The following HERC1 variants were observed in gnomAD, a reference collection of about 807,000 sequenced individuals.
The protein encoded by HERC1 is probable E3 ubiquitin-protein ligase HERC1.
HERC1 carries 160 observed loss-of-function variants against 554.3 expected under a neutral mutation model. That is an observed-to-expected ratio of 0.29 (90% CI 0.25 to 0.33). The LOEUF (loss-of-function observed/expected upper bound fraction) is 0.33, where lower values mean the gene tolerates loss of function less well. HERC1 is among the 10% of genes least tolerant of loss of function. HERC1 has a pLI of 1.00. For missense variants in HERC1, 4,919 were observed against 5,918.5 expected, an observed-to-expected ratio of 0.83 and a Z score of 5.54; for synonymous variants, 2,175 against 2,131.7, an observed-to-expected ratio of 1.02 and a Z score of -0.56.
intron 1 of HERC1, among the ~76,000 whole-genome samples, chr15:63,829,279 G>A (rs1423292195): frequency 6.6e-6 from 1 of 151,426 alleles, no homozygotes; most frequent in African/African-American, 2.4e-5. Flanking sequence ...AAAATCAGCG[G>A]GGCATGGTGG....
At chr15:63,706,098 G>T (rs893000196) in intron 25 of HERC1, among the ~76,000 whole-genome samples, 1 of 145,844 alleles carries the variant, frequency 6.9e-6, no homozygotes, top group African/African-American at 2.5e-5. Flanking sequence ...AGAGTTTTTA[G>T]TTATCATTGG....
At position 63,747,040 on chromosome 15, in the gene HERC1, T is replaced by C; in HGVS notation, c.2398A>G (p.Asn800Asp). The C allele has an allele frequency of 6.3e-7, 1 of 1,597,342 alleles. No individual in the cohort carries two copies. Among genetic ancestry groups the C allele is most frequent in the Non-Finnish European group, 8.5e-7 (1 of 1,172,166 alleles). Residue 800 changes from asparagine to aspartate, a missense_variant, in exon 12 of 78, where the codon AAT becomes GAT. Physicochemically the swap from Asn to Asp is conservative, Grantham distance 23. This residue lies in a region of HERC1 where 744 missense variants were observed against 1,090.0 expected (regional missense o/e 0.68). Coordinates refer to ENST00000443617, the MANE Select transcript of HERC1 (RefSeq NM_003922.4). ...CCCGCAAGTGCAAGAGCAAGGTGAT[T>C]TGAAAGTAGCTTCAGGCACAGCTTG... Reference protein sequence around the residue: ...FLKLCLKLLSNHLALALAGGV... With the variant: ...FLKLCLKLLSDHLALALAGGV...
At chr15:63,647,232 C>T (rs577232203) in intron 55 of HERC1, among the ~76,000 whole-genome samples, 10 of 148,660 alleles carry the variant, frequency 6.7e-5, no homozygotes, top group East Asian at 2.0e-4. Context: ...CCAGCCTGGG[C>T]GAAAAAGCTA....
Position 63,640,410 on chromosome 15 carries a change from G to A in HERC1, c.11643C>T (p.Ser3881=), listed in dbSNP as rs749650101. ...HVVCGDQLVH[S]PYMQCLASLA... ...GGGAAGCCAAGCATTGCATATAGGGGCTATGAACAAGTTGGTCACCACAAA... is the reference window on the plus strand; with the variant it reads ...GGGAAGCCAAGCATTGCATATAGGGACTATGAACAAGTTGGTCACCACAAA... The change falls in exon 61 of 78, where the codon AGC becomes AGT. Residue 3881 remains serine (S), a synonymous_variant. Coordinates refer to ENST00000443617, the MANE Select transcript of HERC1 (RefSeq NM_003922.4). 3 of 1,613,598 alleles carry A rather than the reference G, an allele frequency of 1.9e-6. No individual in the cohort carries two copies. The highest frequency in any genetic ancestry group is 1.1e-5 in the South Asian group (1 of 91,064).
intron 34 of HERC1, among the ~76,000 whole-genome samples, chr15:63,681,022 T>C (rs2071448644): frequency 6.6e-6 from 1 of 152,182 alleles, no homozygotes; most frequent in Non-Finnish European, 1.5e-5. Flanking sequence ...AAATAAGCAA[T>C]TCTAACTTAC....
intron 3 of HERC1, among the ~76,000 whole-genome samples, chr15:63,762,129 G>T (rs2075631359): frequency 6.6e-6 from 1 of 152,088 alleles, no homozygotes; most frequent in Admixed American, 6.6e-5. Context: ...AAATGTGTAA[G>T]ATCAGCCAGA....
Position 63,711,175 on chromosome 15 carries a change from A to G in HERC1, c.4584+1600T>C, listed in dbSNP as rs527291305. The stretch of plus-strand genomic sequence containing the variant: ...AGAGCAAGACATAAAAATTTAAAAA[A>G]TTAGCCAGAAATGGTGGCACATGCC... On this transcript the variant is annotated intron_variant, in intron 24 of 77. Coordinates refer to ENST00000443617, the MANE Select transcript of HERC1 (RefSeq NM_003922.4). Among the ~76,000 whole-genome samples the G allele has an allele frequency of 2.5e-3, 384 of 152,282 alleles. 2 individuals carry two copies. Among genetic ancestry groups the G allele is most frequent in the Middle Eastern group, 0.01 (3 of 294 alleles).
At chr15:63,712,677 A>G in intron 24 of HERC1, 98 bp downstream of exon 24, 1 of 1,067,772 alleles carries the variant, frequency 9.4e-7, no homozygotes, top group Non-Finnish European at 1.3e-6. Context: ...AAATTTTTAT[A>G]TGTCTAAAAC....
intron 12 of HERC1, among the ~76,000 whole-genome samples, chr15:63,743,282 A>AAATTTTTTTTTTTT (rs2074902697): frequency 4.9e-5 from 1 of 20,352 alleles, no homozygotes; most frequent in African/African-American, 1.5e-4. Flanking sequence ...TTTTTTTTTT[A>AAATTTTTTTTTTTT]AATGGAGTCT....
intron 2 of HERC1, among the ~76,000 whole-genome samples, chr15:63,765,049 T>A (rs909905239): frequency 6.6e-6 from 1 of 152,204 alleles, no homozygotes; most frequent in African/African-American, 2.4e-5. Context: ...AGCTGACGGC[T>A]GACTTATGCA....
chr15:63,744,607 GC>G (rs761592911), intron 12 of HERC1, among the ~76,000 whole-genome samples: 7 of 152,150 alleles, frequency 4.6e-5, no homozygotes, highest in Non-Finnish European at 1.0e-4. Flanking sequence ...AGCTAGAGGA[GC>G]CTCGCCCCAT....
intron 1 of HERC1, among the ~76,000 whole-genome samples, chr15:63,781,689 C>T (rs1157239694): frequency 6.6e-6 from 1 of 152,142 alleles, no homozygotes; most frequent in Non-Finnish European, 1.5e-5. Context: ...CAAAGGAAGA[C>T]ACCATGTCCC....
chr15:63,754,664 C>T lies in HERC1; in HGVS notation c.1631-16G>A, dbSNP rs2075361691. The stretch of plus-strand genomic sequence containing the variant: ...TCACCATGACCTTGGATAAAACACA[C>T]ACAACAACAAAGAAACAACATTAAC... On this transcript the variant is annotated splice_polypyrimidine_tract_variant and intron_variant, in intron 6 of 77. Coordinates refer to ENST00000443617, the MANE Select transcript of HERC1 (RefSeq NM_003922.4). 1.2e-6 allele frequency: 2 copies of T among 1,606,396 alleles called. No homozygotes were observed.
At position 63,612,562 on chromosome 15, in the gene HERC1, C is replaced by T. The variant is rs1056541583; in HGVS notation, c.14095-6G>A. On this transcript the variant is annotated splice_polypyrimidine_tract_variant and splice_region_variant and intron_variant, in intron 76 of 77. Coordinates refer to ENST00000443617, the MANE Select transcript of HERC1 (RefSeq NM_003922.4). The surrounding 1 kb of genome is among the most constrained non-coding windows in gnomAD (Gnocchi z 5.0). The stretch of plus-strand genomic sequence containing the variant: ...CCTTCTCGGACTGCAGCCACCTGCT[C>T]CCGGGAGAGGTTGCTCATTCAATGA... 4 of 1,610,548 alleles carry T rather than the reference C, an allele frequency of 2.5e-6. No individual in the cohort carries two copies. Among genetic ancestry groups the T allele is most frequent in the Non-Finnish European group, 3.4e-6 (4 of 1,177,798 alleles).
At chr15:63,748,354 T>C (rs1293893564) in intron 10 of HERC1, among the ~76,000 whole-genome samples, 1 of 152,174 alleles carries the variant, frequency 6.6e-6, no homozygotes, top group Non-Finnish European at 1.5e-5. Context: ...GAATTTGCCA[T>C]CTTTAAGAAG....
At chr15:63,736,145 G>A (rs1463849959) in intron 12 of HERC1, among the ~76,000 whole-genome samples, 1 of 152,070 alleles carries the variant, frequency 6.6e-6, no homozygotes, top group African/African-American at 2.4e-5. Context: ...ACCTGAAATG[G>A]CTACACCCTA....
At chr15:63,644,966 A>T (rs777248270) in intron 57 of HERC1, 26 bp downstream of exon 57, 1 of 1,506,520 alleles carries the variant, frequency 6.6e-7, no homozygotes, top group Non-Finnish European at 9.2e-7. Flanking sequence ...AGTTTCAGAC[A>T]GTCTTCAAAA....
At chr15:63,739,220 T>A in intron 12 of HERC1, among the ~76,000 whole-genome samples, 1 of 102,952 alleles carries the variant, frequency 9.7e-6, no homozygotes. Context: ...TTTTTTTAGA[T>A]GGAGACTCGT....
intron 64 of HERC1, 57 bp downstream of exon 64, chr15:63,637,448 A>T (rs1458738606): frequency 1.4e-6 from 2 of 1,452,522 alleles, no homozygotes; most frequent in Non-Finnish European, 1.9e-6. Context: ...GGTTTGTACG[A>T]CCAAACCTAC....
Sources: gnomAD v4.1 joint callset for allele counts (sites outside exome capture counted in the v4.1 genomes callset) on GRCh38, gnomAD v4.1.1 for gene constraint, gnomAD v4.1.1 regional missense constraint, Gnocchi (gnomAD v3.1) non-coding constraint, MANE v1.5 for transcripts, NCBI Gene and HGNC (gene_info 2026-07-23, HGNC 2026-07-21) for gene names.